Variants in DYM observed in about 807,000 individuals in gnomAD.
DYM encodes the protein dyggve-Melchior-Clausen syndrome protein.
DYM carries 78 observed loss-of-function variants against 93.1 expected under a neutral mutation model. That is an observed-to-expected ratio of 0.84 (90% CI 0.70 to 1.01). The LOEUF (loss-of-function observed/expected upper bound fraction) is 1.01, where lower values mean the gene tolerates loss of function less well. DYM is among the 50% of genes least tolerant of loss of function. The probability of loss-of-function intolerance (pLI) is 0.00; values close to 1 mark genes in which losing one functional copy is unlikely to be tolerated. For missense variants in DYM, 789 were observed against 845.0 expected (o/e 0.93, Z 0.82); for synonymous variants, 321 against 319.7 (o/e 1.00, Z -0.04).
At chr18:49,080,879 G>C (rs1157006875) in intron 17 of DYM, among the ~76,000 whole-genome samples, 2 of 151,928 alleles carry the variant, frequency 1.3e-5, no homozygotes, top group African/African-American at 4.8e-5. Flanking sequence ...CGGCCGGGCA[G>C]AGGCGCTCCC....
intron 8 of DYM, among the ~76,000 whole-genome samples, chr18:49,293,593 A>G (rs1468574813): frequency 6.6e-6 from 1 of 151,956 alleles, no homozygotes; most frequent in Admixed American, 6.6e-5. Context: ...ATGAGCTTTC[A>G]TATGTTTGTT....
intron 17 of DYM, among the ~76,000 whole-genome samples, chr18:49,058,148 T>C (rs1226029657): frequency 1.3e-5 from 2 of 152,102 alleles, no homozygotes; most frequent in African/African-American, 4.8e-5. Flanking sequence ...ACCTTTCCCT[T>C]CTCTATCATG....
chr18:49,450,682 CTTCT>C (rs894712943), intron 1 of DYM, among the ~76,000 whole-genome samples: 4 of 152,282 alleles, frequency 2.6e-5, no homozygotes, highest in East Asian at 1.9e-4. Context: ...GATGTCCAAT[CTTCT>C]TTAAGTTATA....
At chr18:49,113,317 C>T (rs1190098086) in intron 16 of DYM, among the ~76,000 whole-genome samples, 1 of 152,144 alleles carries the variant, frequency 6.6e-6, no homozygotes, top group East Asian at 1.9e-4. Context: ...GGTAACCAGA[C>T]AATTTATTTT....
intron 8 of DYM, among the ~76,000 whole-genome samples, chr18:49,327,537 T>C (rs1484079844): frequency 6.6e-6 from 1 of 151,862 alleles, no homozygotes; most frequent in African/African-American, 2.4e-5. Context: ...TTGTGTTTTT[T>C]ATAGAGGTGG....
At chr18:49,383,603 C>G (rs76560582) in intron 3 of DYM, among the ~76,000 whole-genome samples, 12,683 of 152,266 alleles carry the variant, frequency 0.083, 774 homozygotes, top group East Asian at 0.31. Context: ...AACACAGCCT[C>G]TCTGGGAGCA....
chr18:49,228,111 T>C (rs1216969111), intron 13 of DYM, among the ~76,000 whole-genome samples: 1 of 152,134 alleles, frequency 6.6e-6, no homozygotes, highest in Non-Finnish European at 1.5e-5. Flanking sequence ...AGATGTTGAG[T>C]TTTTATTTTA....
At chr18:49,182,812 C>T (rs942401469) in intron 14 of DYM, among the ~76,000 whole-genome samples, 3 of 152,196 alleles carry the variant, frequency 2.0e-5, no homozygotes, top group Admixed American at 1.3e-4. Flanking sequence ...TTGCTAACAT[C>T]TCTCAGGGAT....
intron 2 of DYM, among the ~76,000 whole-genome samples, chr18:49,401,063 A>G (rs567964385): frequency 6.6e-6 from 1 of 152,306 alleles, no homozygotes; most frequent in East Asian, 1.9e-4. Context: ...AACACACAAA[A>G]GGGGGCAAAA....
At chr18:49,192,293 G>C (rs911683660) in intron 14 of DYM, among the ~76,000 whole-genome samples, 30 of 151,916 alleles carry the variant, frequency 2.0e-4, no homozygotes, top group Admixed American at 1.9e-3. Context: ...ATATCTCATA[G>C]AGTTGTTTTG....
intron 15 of DYM, among the ~76,000 whole-genome samples, chr18:49,140,698 G>A (rs2084386879): frequency 6.6e-6 from 1 of 152,072 alleles, no homozygotes; most frequent in African/African-American, 2.4e-5. Flanking sequence ...ATAAAGTTGG[G>A]TTGGCTAAAA....
chr18:49,115,516 A>G (rs1179271850), intron 16 of DYM, among the ~76,000 whole-genome samples: 1 of 152,230 alleles, frequency 6.6e-6, no homozygotes, highest in Non-Finnish European at 1.5e-5. Context: ...GAATGAAAAA[A>G]GAAATTGGAA....
intron 14 of DYM, among the ~76,000 whole-genome samples, chr18:49,204,838 T>C (rs1171682517): frequency 2.6e-5 from 4 of 152,204 alleles, no homozygotes; most frequent in Admixed American, 2.0e-4. Context: ...CCAAGGTTGG[T>C]AGTTTGAGAG....
chr18:49,220,235 C>G (rs2093291346), intron 13 of DYM, among the ~76,000 whole-genome samples: 1 of 151,526 alleles, frequency 6.6e-6, no homozygotes, highest in Admixed American at 6.6e-5. Flanking sequence ...CTACAAACCA[C>G]TGCTCAATGA....
At chr18:49,183,708 A>G (rs959948694) in intron 14 of DYM, among the ~76,000 whole-genome samples, 4 of 152,206 alleles carry the variant, frequency 2.6e-5, no homozygotes, top group Middle Eastern at 3.2e-3. Flanking sequence ...AACTGAACTC[A>G]GAAATAATTT....
chr18:49,093,137 G>A (rs950966066), intron 17 of DYM: 1 of 152,168 alleles, frequency 6.6e-6, no homozygotes, highest in Admixed American at 6.5e-5. Context: ...GTGTGCCATA[G>A]GAATGTGGAG....
intron 1 of DYM, among the ~76,000 whole-genome samples, chr18:49,455,102 A>G (rs959410968): frequency 2.0e-5 from 3 of 152,178 alleles, no homozygotes; most frequent in Admixed American, 2.0e-4. Context: ...CTTTACAGAG[A>G]GACTCACTAA....
chr18:49,062,597 T>G (rs1246314633), intron 17 of DYM, among the ~76,000 whole-genome samples: 2 of 152,222 alleles, frequency 1.3e-5, no homozygotes, highest in African/African-American at 4.8e-5. Flanking sequence ...AACGGCACAG[T>G]GCCCAGCCCT....
intron 17 of DYM, among the ~76,000 whole-genome samples, chr18:49,087,804 T>C (rs939228347): frequency 7.3e-5 from 11 of 151,506 alleles, no homozygotes; most frequent in African/African-American, 1.7e-4. Flanking sequence ...TTTTAATGAT[T>C]GCCATTCTAA....
Sources: allele counts gnomAD v4.1 joint callset (sites outside exome capture counted in the v4.1 genomes callset), GRCh38; gene constraint gnomAD v4.1.1; transcripts MANE v1.5; gene names NCBI Gene and HGNC (gene_info 2026-07-23, HGNC 2026-07-21).